CFAP54: variants seen among roughly 807,000 people sequenced by gnomAD.
CFAP54 encodes the protein cilia- and flagella-associated protein 54.
In CFAP54, 290 loss-of-function variants were observed where a neutral mutation model predicts 370.4. The observed-to-expected ratio is 0.78, with a 90% CI of 0.71 to 0.86. The LOEUF is 0.86. Among genes scored for constraint, CFAP54 ranks in the 40% least tolerant of loss-of-function variants. The pLI is 0.00. For synonymous variants in CFAP54, 1,206 were observed against 1,236.5 expected (o/e 0.98, Z 0.52); for missense variants, 3,399 against 3,528.7 (o/e 0.96, Z 0.93).
chr12:96,704,876 A>G, intron 47 of CFAP54, 80 bp downstream of exon 47: 3 of 473,666 alleles, frequency 6.3e-6, no homozygotes, highest in Non-Finnish European at 7.5e-6. Context: ...TTTGGTTGAT[A>G]CAGTCTTTGA....
chr12:96,729,286 C>G (rs7295455), intron 50 of CFAP54, among the ~76,000 whole-genome samples: 54,435 of 151,758 alleles, frequency 0.36, 10,630 homozygotes, highest in East Asian at 0.68. Flanking sequence ...CCCAGAGGTG[C>G]AGCCTACAGA....
At chr12:96,495,148 G>A (rs963872310) in intron 1 of CFAP54, among the ~76,000 whole-genome samples, 1 of 151,980 alleles carries the variant, frequency 6.6e-6, no homozygotes, top group Non-Finnish European at 1.5e-5. Context: ...CTTTAAATAA[G>A]AGTATGATAC....
chr12:96,650,625 G>A (rs1280898459), intron 35 of CFAP54, among the ~76,000 whole-genome samples: 3 of 152,010 alleles, frequency 2.0e-5, no homozygotes, highest in Non-Finnish European at 2.9e-5. Context: ...GGAATTGTTA[G>A]CTACAAAGAA....
At chr12:96,610,315 A>T (rs767776748) in intron 26 of CFAP54, among the ~76,000 whole-genome samples, 1 of 152,180 alleles carries the variant, frequency 6.6e-6, no homozygotes, top group Non-Finnish European at 1.5e-5. Context: ...AACAAAATGA[A>T]GTCTAGGTGG....
intron 19 of CFAP54, among the ~76,000 whole-genome samples, chr12:96,573,907 T>C (rs181648714): frequency 1.4e-3 from 206 of 152,350 alleles, no homozygotes; most frequent in African/African-American, 4.8e-3. Context: ...TTGACCTGCA[T>C]ATGCAGAAAC....
In CFAP54 at chr12:96,539,064, G is replaced by GTTTTTTTTTTTTTTTT. The variant is rs1314197505; in HGVS notation, c.1926+559_1926+560insTTTTTTTTTTTTTTTT. Among the ~76,000 whole-genome samples, 26 of 111,830 alleles carry GTTTTTTTTTTTTTTTT rather than the reference G, an allele frequency of 2.3e-4. 5 individuals carry two copies. Among genetic ancestry groups the GTTTTTTTTTTTTTTTT allele is most frequent in the Non-Finnish European group, 3.4e-4 (19 of 55,880 alleles). 73.4% of individuals were successfully genotyped at this position (111,830 alleles called of 152,430 possible). On this transcript the variant is annotated intron_variant, in intron 13 of 67. Transcript: ENST00000524981. ...GAGCCACCACGCCCGGCCTTTTCAG[G>GTTTTTTTTTTTTTTTT]TTTTTTTTTTTTTGTTTTTGTTTTT...
chr12:96,729,838 A>G (rs2136625383), intron 50 of CFAP54, among the ~76,000 whole-genome samples: 1 of 152,122 alleles, frequency 6.6e-6, no homozygotes, highest in South Asian at 2.1e-4. Context: ...TGGCTCCTCC[A>G]AGATGATTCT....
chr12:96,828,474 C>T (rs1025764891), intron 65 of CFAP54, among the ~76,000 whole-genome samples: 1 of 152,074 alleles, frequency 6.6e-6, no homozygotes, highest in Non-Finnish European at 1.5e-5. Context: ...TCAGCTCATG[C>T]AGTCAATACT....
At chr12:96,540,731 G>T (rs1044172269) in intron 13 of CFAP54, 106 bp from the exon 14 acceptor site, 11 of 617,378 alleles carry the variant, frequency 1.8e-5, no homozygotes, top group Admixed American at 1.7e-4. Context: ...ATTTCCATAT[G>T]ATTAGAAGAT....
chr12:96,810,048 G>C (rs111896841), intron 63 of CFAP54, among the ~76,000 whole-genome samples: 430 of 152,232 alleles, frequency 2.8e-3, no homozygotes, highest in Non-Finnish European at 5.1e-3. Context: ...AGCCGGGAGA[G>C]AGGAGGCAAG....
At chr12:96,867,391 C>A (rs997095683) in intron 67 of CFAP54, among the ~76,000 whole-genome samples, 1 of 152,182 alleles carries the variant, frequency 6.6e-6, no homozygotes, top group Admixed American at 6.5e-5. Context: ...ATCCAGCGAT[C>A]TAACTACTGG....
intron 66 of CFAP54, among the ~76,000 whole-genome samples, chr12:96,855,749 C>T (rs534911621): frequency 6.6e-6 from 1 of 152,318 alleles, no homozygotes; most frequent in South Asian, 2.1e-4. Flanking sequence ...TGTTGAGTGT[C>T]TGTGGCTTTT....
At chr12:96,725,934 C>T in intron 50 of CFAP54, among the ~76,000 whole-genome samples, 1 of 149,672 alleles carries the variant, frequency 6.7e-6, no homozygotes, top group Non-Finnish European at 1.5e-5. Context: ...TTGAGATAAT[C>T]ATGTGGTTTT....
chr12:96,830,669 T>A (rs1327078835), intron 66 of CFAP54, among the ~76,000 whole-genome samples: 2 of 151,900 alleles, frequency 1.3e-5, no homozygotes, highest in East Asian at 1.9e-4. Flanking sequence ...TCTCTCCTAG[T>A]TTTCTGGGTT....
intron 60 of CFAP54, among the ~76,000 whole-genome samples, chr12:96,767,732 A>G (rs1445383575): frequency 6.6e-6 from 1 of 152,174 alleles, no homozygotes; most frequent in African/African-American, 2.4e-5. Flanking sequence ...TGGCTTGCTA[A>G]AGGGCAAAAT....
rs181955672 is a variant in CFAP54, at chr12:96,559,688, A to G, written c.2411-4780A>G. 5.1e-3 allele frequency among the ~76,000 whole-genome samples: 775 copies of G among 152,172 alleles called. 11 individuals are homozygous for G. The highest frequency in any genetic ancestry group is 0.018 in the African/African-American group (732 of 41,526). ...TAGAGATATATACATATACATGGACATATCCATAGGCTGAGAAGTTGCAGA... is the reference window on the plus strand; with the variant it reads ...TAGAGATATATACATATACATGGACGTATCCATAGGCTGAGAAGTTGCAGA... On this transcript the variant is annotated intron_variant, in intron 17 of 67. Transcript: ENST00000524981.
At chr12:96,837,784 G>GGTACCCCA in intron 66 of CFAP54, among the ~76,000 whole-genome samples, 1 of 152,280 alleles carries the variant, frequency 6.6e-6, no homozygotes, top group African/African-American at 2.4e-5. Flanking sequence ...ACCAGCCATT[G>GGTACCCCA]GGCTAGGTCC....
intron 55 of CFAP54, among the ~76,000 whole-genome samples, chr12:96,746,133 T>C (rs1338799574): frequency 6.6e-6 from 1 of 152,216 alleles, no homozygotes; most frequent in Non-Finnish European, 1.5e-5. Context: ...GGGACCTTGC[T>C]TTGGCACTTT....
intron 26 of CFAP54, among the ~76,000 whole-genome samples, chr12:96,620,097 T>A (rs1220572901): frequency 2.0e-5 from 3 of 152,274 alleles, no homozygotes; most frequent in African/African-American, 7.2e-5. Flanking sequence ...TTAGTGCCTT[T>A]GCCCTGGTCC....
Sources: gnomAD v4.1 joint callset for allele counts (sites outside exome capture counted in the v4.1 genomes callset) on GRCh38, gnomAD v4.1.1 for gene constraint, MANE v1.5 for transcripts, NCBI Gene and HGNC (gene_info 2026-07-23, HGNC 2026-07-21) for gene names.